NYAP2: variants seen among roughly 807,000 people sequenced by gnomAD.
The protein encoded by NYAP2 is neuronal tyrosine-phosphorylated phosphoinositide-3-kinase adaptor 2, also known as neuronal tyrosine-phosphorylated phosphoinositide-3-kinase adapter 2.
A neutral mutation model predicts 50.4 loss-of-function variants in NYAP2; 23 were observed. The ratio of observed to expected loss-of-function variants is 0.46; its 90% confidence interval spans 0.33 to 0.65. NYAP2 has a LOEUF of 0.65. Among genes scored for constraint, NYAP2 ranks in the 30% least tolerant of loss-of-function variants. The pLI, the probability that NYAP2 is intolerant of heterozygous loss-of-function variation, is 0.02. For missense variants in NYAP2, 885 were observed against 861.0 expected (o/e 1.03, Z -0.35); for synonymous variants, 394 against 365.2 (o/e 1.08, Z -0.90).
At chr2:225,516,157 A>T (rs976795842) in intron 4 of NYAP2, among the ~76,000 whole-genome samples, 8 of 152,118 alleles carry the variant, frequency 5.3e-5, no homozygotes, top group African/African-American at 1.9e-4. Context: ...TAAAAATAGA[A>T]GGGATTCCCA....
At chr2:225,685,134 C>T in the NYAP2 span, among the ~76,000 whole-genome samples, 4 of 152,154 alleles carry the variant, frequency 2.6e-5, no homozygotes, top group African/African-American at 9.7e-5. Context: ...TGTTTTTTAG[C>T]TGTTTAAACA....
downstream of NYAP2, among the ~76,000 whole-genome samples, chr2:225,656,614 G>C (rs1693831068): frequency 6.6e-6 from 1 of 152,168 alleles, no homozygotes; most frequent in Admixed American, 6.5e-5. Flanking sequence ...GGGGTCCATA[G>C]CTTGATGCAT....
At chr2:225,560,269 G>A (rs1445401247) in intron 4 of NYAP2, among the ~76,000 whole-genome samples, 1 of 151,960 alleles carries the variant, frequency 6.6e-6, no homozygotes, top group Non-Finnish European at 1.5e-5. Flanking sequence ...TTATTGCAGA[G>A]TACTTTATTG....
chr2:225,585,707 A>C (rs1049857622), intron 5 of NYAP2, among the ~76,000 whole-genome samples: 1 of 152,270 alleles, frequency 6.6e-6, no homozygotes, highest in East Asian at 1.9e-4. Flanking sequence ...TAATCAAAAA[A>C]TCAAATGGAC....
chr2:225,459,736 C>T (rs1006557101), intron 3 of NYAP2, among the ~76,000 whole-genome samples: 10 of 152,032 alleles, frequency 6.6e-5, no homozygotes, highest in African/African-American at 1.7e-4. Flanking sequence ...CTCCACCTCC[C>T]GGGTTCTCCC....
chr2:225,456,309 G>T (rs1689738572), intron 3 of NYAP2, among the ~76,000 whole-genome samples: 1 of 152,166 alleles, frequency 6.6e-6, no homozygotes. Context: ...GTCTTGGATT[G>T]ATAGTTCAAG....
At chr2:225,426,033 T>A (rs924140695) in intron 3 of NYAP2, among the ~76,000 whole-genome samples, 5 of 152,038 alleles carry the variant, frequency 3.3e-5, no homozygotes, top group Non-Finnish European at 7.4e-5. Context: ...ATGAAAAAAA[T>A]AAAGACGTAG....
chr2:225,603,041 C>T (rs555973151), intron 5 of NYAP2, among the ~76,000 whole-genome samples: 30 of 152,050 alleles, frequency 2.0e-4, no homozygotes, highest in Middle Eastern at 3.4e-3. Flanking sequence ...CATTGCTTTG[C>T]TTAGAATTGA....
chr2:225,622,531 TTC>T (rs1205722114), intron 5 of NYAP2, among the ~76,000 whole-genome samples: 4 of 48,996 alleles, frequency 8.2e-5, no homozygotes, highest in Non-Finnish European at 1.7e-4. Context: ...CTTTCTTTCT[TTC>T]TTTCTTTCTT....
intron 6 of NYAP2, among the ~76,000 whole-genome samples, chr2:225,644,968 C>T (rs950397544): frequency 3.3e-5 from 5 of 151,990 alleles, no homozygotes; most frequent in African/African-American, 1.2e-4. Flanking sequence ...TTATTAGGAA[C>T]AAAAAGAATG....
chr2:225,453,617 G>A lies in NYAP2; in HGVS notation c.221+44516G>A, dbSNP rs1375908054. On this transcript the variant is annotated intron_variant, in intron 3 of 6. Transcript: ENST00000636099. ...GCAGTAATTCTTCTAAAGTCTCATG[G>A]GATACTTTTCAGAAAACTATCAAGT... Among the ~76,000 whole-genome samples, 4 of 151,800 alleles carry A rather than the reference G, an allele frequency of 2.6e-5. No individual in the cohort carries two copies. In the East Asian group the frequency reaches 5.8e-4, roughly 22 times the overall value.
chr2:225,540,916 G>C (rs369604842), intron 4 of NYAP2, among the ~76,000 whole-genome samples: 1 of 151,924 alleles, frequency 6.6e-6, no homozygotes, highest in Non-Finnish European at 1.5e-5. Flanking sequence ...TGTCTATGAG[G>C]GTTCATTTTT....
intron 3 of NYAP2, among the ~76,000 whole-genome samples, chr2:225,412,280 T>C (rs1173580235): frequency 7.1e-6 from 1 of 140,418 alleles, no homozygotes; most frequent in Non-Finnish European, 1.5e-5. Flanking sequence ...TTTTTTTTTT[T>C]TAACAAAAAT....
chr2:225,469,069 C>T (rs1421798780), intron 3 of NYAP2, among the ~76,000 whole-genome samples: 1 of 152,028 alleles, frequency 6.6e-6, no homozygotes, highest in Non-Finnish European at 1.5e-5. Flanking sequence ...CTATCATCAG[C>T]GTGAACAGGC....
At chr2:225,695,211 T>C in the NYAP2 span, among the ~76,000 whole-genome samples, 1 of 151,754 alleles carries the variant, frequency 6.6e-6, no homozygotes, top group East Asian at 1.9e-4. Context: ...TATGCAACTG[T>C]GAAATATATA....
chr2:225,579,804 G>T (rs1407685140), intron 4 of NYAP2, among the ~76,000 whole-genome samples: 1 of 152,196 alleles, frequency 6.6e-6, no homozygotes, highest in African/African-American at 2.4e-5. Context: ...TTCTTACCCT[G>T]TTATTTCTCT....
chr2:225,477,815 CT>C (rs1690143354), intron 3 of NYAP2, among the ~76,000 whole-genome samples: 1 of 152,102 alleles, frequency 6.6e-6, no homozygotes, highest in South Asian at 2.1e-4. Flanking sequence ...AAACGGGCCC[CT>C]CCATGTACTC....
the NYAP2 span, among the ~76,000 whole-genome samples, chr2:225,664,748 C>A: frequency 6.6e-6 from 1 of 151,856 alleles, no homozygotes; most frequent in Non-Finnish European, 1.5e-5. Flanking sequence ...TGGTGGCGGG[C>A]GCCTGTAGTT....
At chr2:225,594,026 A>T (rs1692556541) in intron 5 of NYAP2, among the ~76,000 whole-genome samples, 1 of 152,234 alleles carries the variant, frequency 6.6e-6, no homozygotes, top group Non-Finnish European at 1.5e-5. Flanking sequence ...GAATATGCCC[A>T]TCAAGCATTT....
Sources: allele counts gnomAD v4.1 joint callset (sites outside exome capture counted in the v4.1 genomes callset), GRCh38; gene constraint gnomAD v4.1.1; transcripts MANE v1.5; gene names NCBI Gene and HGNC (gene_info 2026-07-23, HGNC 2026-07-21).